Variants in RYK observed in about 807,000 individuals in gnomAD.
RYK encodes receptor like tyrosine kinase, also known as inactive tyrosine-protein kinase RYK.
In RYK, 21 loss-of-function variants were observed where a neutral mutation model predicts 70.2. The ratio of observed to expected loss-of-function variants is 0.30; its 90% CI spans 0.21 to 0.43. RYK has a LOEUF of 0.43. Ranked by LOEUF, RYK falls within the 20% of genes least tolerant of loss-of-function variation. RYK has a pLI of 1.00. For synonymous variants in RYK, 267 were observed against 278.0 expected (o/e 0.96, Z 0.39); for missense variants, 604 against 753.3 (o/e 0.80, Z 2.32).
intron 13 of RYK, among the ~76,000 whole-genome samples, chr3:134,160,195 A>T (rs1004669770): frequency 1.3e-5 from 2 of 152,196 alleles, no homozygotes; most frequent in African/African-American, 4.8e-5. Flanking sequence ...TACAAATTCA[A>T]ATCATTTTGC....
At chr3:134,162,222 AG>A (rs2012498501) in intron 13 of RYK, among the ~76,000 whole-genome samples, 1 of 147,970 alleles carries the variant, frequency 6.8e-6, no homozygotes, top group Non-Finnish European at 1.5e-5. Flanking sequence ...ACTGGGGGTT[AG>A]GGCTTCAACC....
chr3:134,247,602 T>G (rs1576541486), intron 1 of RYK, among the ~76,000 whole-genome samples: 1 of 151,748 alleles, frequency 6.6e-6, no homozygotes, highest in African/African-American at 2.4e-5. Context: ...CTGGGGAGGC[T>G]GAGGCAGGAG....
chr3:134,184,264 C>G (rs780493444), intron 9 of RYK, among the ~76,000 whole-genome samples: 4 of 152,056 alleles, frequency 2.6e-5, no homozygotes, highest in Non-Finnish European at 5.9e-5. Flanking sequence ...CAAAACAGAA[C>G]AAATGAACTT....
chr3:134,195,002 G>A (rs979056500), intron 7 of RYK, 80 bp downstream of exon 7: 1 of 969,018 alleles, frequency 1.0e-6, no homozygotes, highest in South Asian at 1.4e-5. Context: ...TGTCCCACAA[G>A]TACACTAACC....
In RYK at chr3:134,222,427, C is replaced by T. The variant is rs762957307; in HGVS notation, c.345G>A (p.Ala115=). The T allele has an allele frequency of 1.3e-5, 21 of 1,612,792 alleles. No individual in the cohort carries two copies. Among genetic ancestry groups the T allele is most frequent in the South Asian group, 7.7e-5 (7 of 91,018 alleles). ...ETNFLHFTWH[A]KSKVEYKLGF... Reference sequence around the variant, plus strand: ...TTAGCCACTCTCTTACCTTGGACTTCGCATGCCAGGTGAAGTGCAGGAAAT... The same window carrying T: ...TTAGCCACTCTCTTACCTTGGACTTTGCATGCCAGGTGAAGTGCAGGAAAT... The change falls in exon 2 of 15, where the codon GCG becomes GCA. Residue 115 remains alanine (A), a synonymous_variant. Transcript: ENST00000623711.
chr3:134,201,248 C>T (rs532567765), intron 6 of RYK, among the ~76,000 whole-genome samples: 8 of 152,212 alleles, frequency 5.3e-5, no homozygotes, highest in African/African-American at 1.4e-4. Context: ...CCTTCTCATT[C>T]GTATCCCTTT....
At chr3:134,191,754 CA>C in intron 8 of RYK, 94 bp downstream of exon 8, 1 of 988,450 alleles carries the variant, frequency 1.0e-6, no homozygotes, top group Non-Finnish European at 1.4e-6. Flanking sequence ...ATCTTAGACA[CA>C]AAATGAGATG....
At chr3:134,203,963 G>C (rs551582865) in intron 5 of RYK, among the ~76,000 whole-genome samples, 2 of 152,220 alleles carry the variant, frequency 1.3e-5, no homozygotes, top group Non-Finnish European at 2.9e-5. Flanking sequence ...TACCATACTA[G>C]ACAGTGCAGA....
At chr3:134,183,999 T>A (rs960000873) in intron 9 of RYK, among the ~76,000 whole-genome samples, 2 of 152,188 alleles carry the variant, frequency 1.3e-5, no homozygotes, top group Non-Finnish European at 2.9e-5. Context: ...AGAATTTAGG[T>A]TTTGTACCTT....
At chr3:134,239,235 G>A (rs2015261264) in intron 1 of RYK, among the ~76,000 whole-genome samples, 1 of 152,154 alleles carries the variant, frequency 6.6e-6, no homozygotes, top group South Asian at 2.1e-4. Context: ...CAAGGTGGGA[G>A]GATCCCTTGA....
rs2013445562 is a variant in RYK, at chr3:134,185,967, C to T, written c.1102+2870G>A. 5.9e-5 allele frequency among the ~76,000 whole-genome samples: 9 copies of T among 152,046 alleles called. No individual in the cohort carries two copies. The South Asian group carries it at 1.9e-3, about 32-fold the overall frequency. On this transcript the variant is annotated intron_variant, in intron 9 of 14. Transcript: ENST00000623711. Reference sequence around the variant, plus strand: ...AAACTCGTTTTCTTGGATTCCTTTCCCAGTCTCATCCTAGTCTTTTAATTA... The same window carrying T: ...AAACTCGTTTTCTTGGATTCCTTTCTCAGTCTCATCCTAGTCTTTTAATTA...
chr3:134,185,407 T>C (rs1429311766), intron 9 of RYK, among the ~76,000 whole-genome samples: 1 of 152,250 alleles, frequency 6.6e-6, no homozygotes, highest in Non-Finnish European at 1.5e-5. Context: ...TCACTTCGTC[T>C]TGCTTCACTT....
chr3:134,218,934 A>G (rs1167953420), intron 2 of RYK, among the ~76,000 whole-genome samples: 2 of 152,162 alleles, frequency 1.3e-5, no homozygotes, highest in African/African-American at 4.8e-5. Flanking sequence ...GGAGAAGGAA[A>G]CTAGGATCCC....
chr3:134,191,820 T>TA (rs1292798818), intron 8 of RYK, 29 bp downstream of exon 8: 3 of 1,578,922 alleles, frequency 1.9e-6, no homozygotes, highest in East Asian at 2.3e-5. Context: ...AAATCATACT[T>TA]AAAAAACCGA....
Position 134,183,026 on chromosome 3 carries a change from C to A in RYK, c.1148G>T (p.Cys383Phe). The change falls in exon 10 of 15, where the codon TGT (cysteine) becomes TTT (phenylalanine). Residue 383 changes from cysteine (C) to phenylalanine (F), a missense_variant. Cys to Phe is a radical substitution (Grantham distance 205, BLOSUM62 -2). Coordinates refer to ENST00000623711, the MANE Select transcript of RYK (RefSeq NM_002958.4). ...CCTGTGATGAAGACCTCGCAGCTTACAACTTTCAGTGAGCATCATTGTCAC... is the reference window on the plus strand; with the variant it reads ...CCTGTGATGAAGACCTCGCAGCTTAAAACTTTCAGTGAGCATCATTGTCAC... ...IQVTMMLTES[C>F]KLRGLHHRNL... The A allele has an allele frequency of 1.3e-6, 2 of 1,591,652 alleles. No homozygotes were observed. The highest frequency in any genetic ancestry group is 8.6e-7 in the Non-Finnish European group (1 of 1,167,710).
At position 134,225,872 on chromosome 3, in the gene RYK, CA is replaced by C. The variant is rs71304288; in HGVS notation, c.233-3334del. On this transcript the variant is annotated intron_variant, in intron 1 of 14. Coordinates refer to ENST00000623711, the MANE Select transcript of RYK (RefSeq NM_002958.4). The stretch of plus-strand genomic sequence containing the variant: ...CTCTCTCTTTAAAAAATAAAAAGAT[CA>C]AAAAAAAAAAAGATCAAAGGTCACC... 7.6e-3 allele frequency among the ~76,000 whole-genome samples: 1,039 copies of C among 136,390 alleles called. 13 individuals carry two copies. Among genetic ancestry groups the C allele is most frequent in the African/African-American group, 0.024 (861 of 35,238 alleles). 89.5% of individuals were successfully genotyped at this position (136,390 alleles called of 152,430 possible).
chr3:134,158,204 C>T lies in RYK; in HGVS notation c.1773G>A (p.Gln591=). 1 of 1,577,540 alleles carries T rather than the reference C, an allele frequency of 6.3e-7. No individual in the cohort carries two copies. The highest frequency in any genetic ancestry group is 8.6e-7 in the Non-Finnish European group (1 of 1,160,096). Residue 591 remains glutamine (Q), a synonymous_variant, in exon 15 of 15, where the codon CAG becomes CAA. Transcript: ENST00000623711. ...LDPEERPKFQ[Q]LVQCLTEFHA... Reference sequence around the variant, plus strand: ...GAAACTCTGTTAGGCACTGTACCAGCTGCTGAAACTTGGGCCTCTCCTCTG... The same window carrying T: ...GAAACTCTGTTAGGCACTGTACCAGTTGCTGAAACTTGGGCCTCTCCTCTG...
chr3:134,233,502 A>T (rs2015119847), intron 1 of RYK, among the ~76,000 whole-genome samples: 1 of 152,334 alleles, frequency 6.6e-6, no homozygotes, highest in East Asian at 1.9e-4. Flanking sequence ...ACAGACACAA[A>T]TTTTTATGTA....
At chr3:134,202,154 A>G (rs2014047512) in intron 6 of RYK, among the ~76,000 whole-genome samples, 1 of 152,182 alleles carries the variant, frequency 6.6e-6, no homozygotes, top group Admixed American at 6.5e-5. Flanking sequence ...AACCCAGTAT[A>G]TCTCAAACTG....
Sources: gnomAD v4.1 joint callset for allele counts (sites outside exome capture counted in the v4.1 genomes callset) on GRCh38, gnomAD v4.1.1 for gene constraint, MANE v1.5 for transcripts, NCBI Gene and HGNC (gene_info 2026-07-23, HGNC 2026-07-21) for gene names.